IQSEC3: variants seen among roughly 807,000 people sequenced by gnomAD.
IQSEC3 encodes the protein IQ motif and SEC7 domain-containing protein 3.
Under a neutral mutation model 105.4 loss-of-function variants are expected in IQSEC3, and 50 were observed. The ratio of observed to expected loss-of-function variants is 0.47; its 90% CI spans 0.38 to 0.60. The LOEUF (loss-of-function observed/expected upper bound fraction) is 0.60. IQSEC3 is among the 20% of genes least tolerant of loss of function. The pLI is 0.00. For synonymous variants in IQSEC3, 708 were observed against 746.0 expected, an observed-to-expected ratio of 0.95 and a Z score of 0.83; for missense variants, 1,415 against 1,630.0, an observed-to-expected ratio of 0.87 and a Z score of 2.27.
intron 12 of IQSEC3, among the ~76,000 whole-genome samples, chr12:170,673 G>A (rs1229899311): frequency 1.3e-5 from 2 of 152,224 alleles, no homozygotes; most frequent in Non-Finnish European, 2.9e-5. Context: ...CGGCACTGCG[G>A]TGAGTGCTGT....
At chr12:130,637 G>A (rs778250948) in intron 3 of IQSEC3, among the ~76,000 whole-genome samples, 3 of 152,204 alleles carry the variant, frequency 2.0e-5, no homozygotes, top group South Asian at 2.1e-4. Flanking sequence ...GAGCCATAGC[G>A]TGTCCCCCAT....
chr12:71,277 G>C (rs373139088), intron 1 of IQSEC3, among the ~76,000 whole-genome samples: 3 of 152,276 alleles, frequency 2.0e-5, no homozygotes, highest in Non-Finnish European at 4.4e-5. Context: ...AAACTATTAA[G>C]AAAGAAAGTG....
chr12:136,732 T>C (rs1460251398), intron 3 of IQSEC3, among the ~76,000 whole-genome samples: 5 of 152,108 alleles, frequency 3.3e-5, no homozygotes, highest in African/African-American at 1.2e-4. Context: ...TGGTTGTGAA[T>C]AGGAAACACT....
chr12:151,226 AC>A (rs1555092601), intron 5 of IQSEC3, among the ~76,000 whole-genome samples: 1 of 115,642 alleles, frequency 8.6e-6, no homozygotes, highest in African/African-American at 3.0e-5. Flanking sequence ...CTGAAAGAAC[AC>A]CTCAGACTTC....
chr12:120,982 C>T (rs781819667), intron 2 of IQSEC3, among the ~76,000 whole-genome samples: 3 of 152,208 alleles, frequency 2.0e-5, no homozygotes, highest in Non-Finnish European at 2.9e-5. Flanking sequence ...CGTTTTCTCC[C>T]GGCTAGCGCA....
chr12:119,074 A>G (rs550189088), intron 2 of IQSEC3, among the ~76,000 whole-genome samples: 3 of 152,212 alleles, frequency 2.0e-5, no homozygotes, highest in Admixed American at 6.5e-5. Flanking sequence ...TTGCATCCCC[A>G]TTTTGCTGAT....
At chr12:140,033 G>C (rs1224761464) in intron 4 of IQSEC3, among the ~76,000 whole-genome samples, 2 of 152,138 alleles carry the variant, frequency 1.3e-5, no homozygotes, top group Non-Finnish European at 2.9e-5. Flanking sequence ...TCAGGTCCAG[G>C]AGGCAGGCAC....
chr12:126,226 C>T (rs1865401628), intron 3 of IQSEC3, among the ~76,000 whole-genome samples: 1 of 152,258 alleles, frequency 6.6e-6, no homozygotes, highest in South Asian at 2.1e-4. Context: ...GCCCACTGTT[C>T]TCTGGGGTGT....
At chr12:163,198 G>A (rs1866987257) in intron 8 of IQSEC3, among the ~76,000 whole-genome samples, 3 of 121,248 alleles carry the variant, frequency 2.5e-5, no homozygotes, top group African/African-American at 7.5e-5. Context: ...CACAGAACCG[G>A]AGCCCTCCCC....
At chr12:125,306 C>G (rs967859138) in intron 2 of IQSEC3, among the ~76,000 whole-genome samples, 5 of 152,180 alleles carry the variant, frequency 3.3e-5, no homozygotes. Context: ...GGCTGAGTGA[C>G]CTGCTCAGGG....
rs1939275956 is a variant in IQSEC3, at chr12:177,510, TG to T, written c.*2479del. ...CAGGGCAGAGGCCCACCCCGTGGGT[TG>T]GTGCAGTGGCTGCCCTGGGCTCCAC... On this transcript the variant is annotated 3_prime_UTR_variant, in exon 14 of 14. Coordinates refer to ENST00000538872, the MANE Select transcript of IQSEC3 (RefSeq NM_001170738.2). This position sits in a 1 kb window ranked among gnomAD's most constrained non-coding sequence, Gnocchi z 5.3. 1 of 152,316 alleles carries T rather than the reference TG, an allele frequency of 6.6e-6. No homozygotes were observed. The highest frequency in any genetic ancestry group is 1.5e-5 in the Non-Finnish European group (1 of 68,052). The allele number at this position is 152,316 out of a possible 1,614,324, so 9.4% of individuals were successfully genotyped here.
At position 106,061 on chromosome 12, in the gene IQSEC3, G is replaced by C. The variant is rs1864638289; in HGVS notation, c.623+6847G>C. 2.0e-5 allele frequency among the ~76,000 whole-genome samples: 3 copies of C among 152,172 alleles called. No homozygotes were observed. In the South Asian group the frequency reaches 6.2e-4, roughly 32 times the overall value. Reference sequence around the variant, plus strand: ...GTCTCCCACCCATGAGAGAGAGGAAGCAAATACTAGCCACCATGTCCTGAG... The same window carrying C: ...GTCTCCCACCCATGAGAGAGAGGAACCAAATACTAGCCACCATGTCCTGAG... On this transcript the variant is annotated intron_variant, in intron 2 of 13. Transcript: ENST00000538872.
At chr12:149,787 G>A (rs951802309) in intron 5 of IQSEC3, among the ~76,000 whole-genome samples, 1 of 152,174 alleles carries the variant, frequency 6.6e-6, no homozygotes, top group Non-Finnish European at 1.5e-5. Flanking sequence ...TTGGGGCTGG[G>A]CAGCAGGAAG....
At chr12:161,826 G>A in intron 7 of IQSEC3, 100 bp from the exon 8 acceptor site, 1 of 1,246,596 alleles carries the variant, frequency 8.0e-7, no homozygotes, top group Non-Finnish European at 1.1e-6. Flanking sequence ...CCACCCCCCG[G>A]GAGCTCCAGG....
Position 162,104 on chromosome 12 carries a change from C to G in IQSEC3, c.2583+39C>G, listed in dbSNP as rs781924824. ...AGCTACCTATCTCCCGTCTCCTTTC[C>G]TTTCTTTCTTCCTGGCATCTCTTCC... is the stretch of plus-strand genomic sequence containing the variant. On this transcript the variant is annotated intron_variant, in intron 8 of 13. Transcript: ENST00000538872. 2.5e-6 allele frequency: 4 copies of G among 1,604,386 alleles called. No homozygotes were observed. In the African/African-American group the frequency reaches 4.0e-5, roughly 16 times the overall value.
chr12:123,561 G>A (rs4980977), intron 2 of IQSEC3, among the ~76,000 whole-genome samples: 56,177 of 151,972 alleles, frequency 0.37, 10,396 homozygotes, highest in South Asian at 0.41. Flanking sequence ...GATTTTTCAC[G>A]GCCAGGGCCA....
chr12:118,773 C>A (rs1394970783), intron 2 of IQSEC3, among the ~76,000 whole-genome samples: 1 of 152,208 alleles, frequency 6.6e-6, no homozygotes, highest in Admixed American at 6.5e-5. Context: ...CGGTCAGCAC[C>A]TTCCTCCTCC....
Position 125,819 on chromosome 12 carries a change from C to T in IQSEC3, c.810C>T (p.Pro270=), listed in dbSNP as rs782489625. 1.0e-4 allele frequency: 154 copies of T among 1,528,620 alleles called. No individual in the cohort carries two copies. Among genetic ancestry groups the T allele is most frequent in the Admixed American group, 3.0e-4 (15 of 50,376 alleles). 94.7% of individuals were successfully genotyped at this position (1,528,620 alleles called of 1,614,324 possible). Residue 270 remains proline, a synonymous_variant, in exon 3 of 14, where the codon CCC becomes CCT. Coordinates refer to ENST00000538872, the MANE Select transcript of IQSEC3 (RefSeq NM_001170738.2). The part of the protein sequence containing the change: ...PRAGPQHKAS[P]GRQQPALATA... Reference sequence around the variant, plus strand: ...CTGGCCCCCAGCACAAGGCCTCCCCCGGCCGGCAGCAGCCTGCCCTGGCGA... The same window carrying T: ...CTGGCCCCCAGCACAAGGCCTCCCCTGGCCGGCAGCAGCCTGCCCTGGCGA...
chr12:171,836 ACTGT>A (rs1407249995), intron 13 of IQSEC3, among the ~76,000 whole-genome samples: 3 of 152,116 alleles, frequency 2.0e-5, no homozygotes, highest in Non-Finnish European at 4.4e-5. Context: ...TAAGCTGAAG[ACTGT>A]CTGTGGTGGA....
Sources: allele counts gnomAD v4.1 joint callset (sites outside exome capture counted in the v4.1 genomes callset), GRCh38; gene constraint gnomAD v4.1.1; non-coding constraint Gnocchi (gnomAD v3.1); transcripts MANE v1.5; gene names NCBI Gene and HGNC (gene_info 2026-07-23, HGNC 2026-07-21).